The following CERS6 variants were observed in gnomAD, a reference collection of about 807,000 sequenced individuals.
The protein encoded by CERS6 is ceramide synthase 6.
CERS6 carries 26 observed loss-of-function variants against 56.8 expected under a neutral mutation model. That is an observed-to-expected ratio of 0.46 (90% CI 0.34 to 0.63). The LOEUF is 0.63. Ranked by LOEUF, CERS6 falls within the 30% of genes least tolerant of loss-of-function variation. The pLI is 0.01. For synonymous variants in CERS6, 164 were observed against 173.3 expected, an observed-to-expected ratio of 0.95 and a Z score of 0.42; for missense variants, 415 against 467.5, an observed-to-expected ratio of 0.89 and a Z score of 1.04.
At chr2:168,553,302 C>G (rs1695611110) in intron 2 of CERS6, among the ~76,000 whole-genome samples, 1 of 152,090 alleles carries the variant, frequency 6.6e-6, no homozygotes, top group African/African-American at 2.4e-5. Flanking sequence ...TGAATTAAAA[C>G]AACTTCTGAG....
intron 3 of CERS6, among the ~76,000 whole-genome samples, chr2:168,600,190 T>TTCTCTC (rs10651781): frequency 0.74 from 102,562 of 137,946 alleles, 40,283 homozygotes; most frequent in East Asian, 0.92. Flanking sequence ...ACTACCATAT[T>TTCTCTC]TCTCTCTCTC....
intron 4 of CERS6, among the ~76,000 whole-genome samples, chr2:168,631,770 TAAAG>T (rs981774774): frequency 1.6e-5 from 2 of 124,082 alleles, no homozygotes; most frequent in Admixed American, 1.9e-4. Flanking sequence ...TTGTATATAA[TAAAG>T]AAATGTATAT....
chr2:168,630,131 A>G (rs1357464729), intron 3 of CERS6, among the ~76,000 whole-genome samples: 2 of 152,044 alleles, frequency 1.3e-5, no homozygotes, highest in Non-Finnish European at 1.5e-5. Context: ...CTATTATACT[A>G]CAATAAGTTA....
At chr2:168,613,352 G>C (rs1317694979) in intron 3 of CERS6, among the ~76,000 whole-genome samples, 1 of 152,138 alleles carries the variant, frequency 6.6e-6, no homozygotes, top group African/African-American at 2.4e-5. Flanking sequence ...AGGAGCACGT[G>C]GTGTGAAAAG....
chr2:168,593,192 C>T (rs1224668811), intron 3 of CERS6, among the ~76,000 whole-genome samples: 4 of 152,280 alleles, frequency 2.6e-5, no homozygotes, highest in Non-Finnish European at 4.4e-5. Context: ...CCCGAAACAT[C>T]GGGATAATAT....
intron 1 of CERS6, among the ~76,000 whole-genome samples, chr2:168,539,297 T>C (rs923221208): frequency 6.6e-6 from 1 of 152,240 alleles, no homozygotes; most frequent in African/African-American, 2.4e-5. Context: ...GATTATGTTA[T>C]GATTGATCGG....
At chr2:168,729,926 T>C (rs1342464749) in intron 8 of CERS6, among the ~76,000 whole-genome samples, 1 of 152,216 alleles carries the variant, frequency 6.6e-6, no homozygotes, top group Non-Finnish European at 1.5e-5. Flanking sequence ...AGTGTGGGTG[T>C]TGGGGATGTA....
chr2:168,631,100 G>T, intron 4 of CERS6, 58 bp downstream of exon 4: 3 of 466,628 alleles, frequency 6.4e-6, no homozygotes, highest in South Asian at 7.5e-5. Flanking sequence ...CTATATCCTG[G>T]TTTTTTTTTT....
chr2:168,687,775 T>C (rs1299290997), intron 4 of CERS6, among the ~76,000 whole-genome samples: 1 of 152,166 alleles, frequency 6.6e-6, no homozygotes, highest in African/African-American at 2.4e-5. Flanking sequence ...AATCATGGCT[T>C]ATTGCAGCCT....
intron 3 of CERS6, among the ~76,000 whole-genome samples, chr2:168,619,493 T>A: frequency 6.6e-6 from 1 of 150,618 alleles, no homozygotes; most frequent in East Asian, 2.0e-4. Context: ...TAAAAAGAAC[T>A]CAAACAAATC....
At chr2:168,762,993 C>T (rs149053973) in intron 8 of CERS6, among the ~76,000 whole-genome samples, 547 of 152,216 alleles carry the variant, frequency 3.6e-3, no homozygotes, top group African/African-American at 0.012. Context: ...CCTGCCTCAG[C>T]CTTTTGAGCA....
chr2:168,707,637 C>T (rs1167114613), intron 6 of CERS6, among the ~76,000 whole-genome samples: 1 of 152,148 alleles, frequency 6.6e-6, no homozygotes, highest in Non-Finnish European at 1.5e-5. Context: ...AATAGAAAAA[C>T]CAAATAATTC....
chr2:168,492,411 GTCT>G (rs1248200854), intron 1 of CERS6, among the ~76,000 whole-genome samples: 1 of 152,120 alleles, frequency 6.6e-6, no homozygotes, highest in Non-Finnish European at 1.5e-5. Context: ...CCACATAAAT[GTCT>G]TCTTTTGAGA....
intron 8 of CERS6, among the ~76,000 whole-genome samples, chr2:168,740,880 ATTAT>A (rs1477152248): frequency 1.3e-5 from 2 of 152,206 alleles, no homozygotes; most frequent in African/African-American, 4.8e-5. Flanking sequence ...GGAGTTGGTC[ATTAT>A]TTAGAGTAGA....
At chr2:168,702,756 C>A (rs1574174022) in intron 6 of CERS6, among the ~76,000 whole-genome samples, 1 of 152,252 alleles carries the variant, frequency 6.6e-6, no homozygotes, top group South Asian at 2.1e-4. Flanking sequence ...CATATTACAA[C>A]CAACTTTTAA....
chr2:168,477,206 A>AGAGAGAGAGAGAGAGG (rs1694092450), intron 1 of CERS6, among the ~76,000 whole-genome samples: 1 of 148,022 alleles, frequency 6.8e-6, no homozygotes, highest in East Asian at 2.0e-4. Context: ...AGAGAGAGAG[A>AGAGAGAGAGAGAGAGG]GAGAGAGAGA....
chr2:168,625,814 T>G (rs1261454425), intron 3 of CERS6, among the ~76,000 whole-genome samples: 1 of 152,110 alleles, frequency 6.6e-6, no homozygotes, highest in African/African-American at 2.4e-5. Context: ...CTTAATATTG[T>G]TTTAGCTACC....
chr2:168,714,646 G>T (rs772916765), intron 6 of CERS6, among the ~76,000 whole-genome samples: 3 of 152,210 alleles, frequency 2.0e-5, no homozygotes, highest in Non-Finnish European at 2.9e-5. Context: ...GGCATTGATC[G>T]CATTCTTGGT....
intron 8 of CERS6, among the ~76,000 whole-genome samples, chr2:168,735,155 A>G (rs1048860934): frequency 9.2e-5 from 14 of 152,152 alleles, no homozygotes; most frequent in African/African-American, 3.1e-4. Context: ...CCCCTCCTCA[A>G]TTGAACAGTA....
Sources: gnomAD v4.1 joint callset for allele counts (sites outside exome capture counted in the v4.1 genomes callset) on GRCh38, gnomAD v4.1.1 for gene constraint, MANE v1.5 for transcripts, NCBI Gene and HGNC (gene_info 2026-07-23, HGNC 2026-07-21) for gene names.